Variants in FMN2 observed in about 807,000 individuals in gnomAD.
FMN2 encodes the protein formin-2.
A neutral mutation model predicts 142.3 loss-of-function variants in FMN2; 51 were observed. The observed-to-expected ratio is 0.36, with a 90% CI of 0.29 to 0.45. FMN2 has a LOEUF of 0.45. FMN2 is among the 20% of genes least tolerant of loss of function. The pLI, the probability that FMN2 is intolerant of heterozygous loss-of-function variation, is 1.00. For synonymous variants in FMN2, 882 were observed against 869.8 expected (o/e 1.01, Z -0.25); for missense variants, 1,936 against 2,122.8 (o/e 0.91, Z 1.73).
At chr1:240,125,377 A>C (rs1662452915) in intron 2 of FMN2, among the ~76,000 whole-genome samples, 1 of 152,222 alleles carries the variant, frequency 6.6e-6, no homozygotes, top group African/African-American at 2.4e-5. Flanking sequence ...GCTGCTAGGT[A>C]GATCTCTTTC....
chr1:240,459,036 T>A (rs1255870431), intron 16 of FMN2: 1 of 152,190 alleles, frequency 6.6e-6, no homozygotes, highest in Non-Finnish European at 1.5e-5. Context: ...TATCAGAGAC[T>A]TAAAAATATT....
intron 13 of FMN2, among the ~76,000 whole-genome samples, chr1:240,349,106 T>A (rs1387636931): frequency 6.6e-6 from 1 of 152,162 alleles, no homozygotes; most frequent in Non-Finnish European, 1.5e-5. Flanking sequence ...TGGGCTGATT[T>A]TATAGTTTTT....
At chr1:240,402,188 T>G (rs1360959339) in intron 15 of FMN2, among the ~76,000 whole-genome samples, 1 of 152,240 alleles carries the variant, frequency 6.6e-6, no homozygotes, top group Non-Finnish European at 1.5e-5. Context: ...GCTGAACTTT[T>G]ATCAAGAAAA....
At chr1:240,278,499 A>C (rs1350674805) in intron 7 of FMN2, among the ~76,000 whole-genome samples, 1 of 152,194 alleles carries the variant, frequency 6.6e-6, no homozygotes, top group Non-Finnish European at 1.5e-5. Context: ...CCTTTGTGGT[A>C]GCCTGGCAGG....
At chr1:240,267,869 T>G (rs1405161715) in intron 7 of FMN2, among the ~76,000 whole-genome samples, 2 of 152,106 alleles carry the variant, frequency 1.3e-5, no homozygotes, top group Non-Finnish European at 2.9e-5. Context: ...CACACACTTC[T>G]CAAAAGAAGA....
chr1:240,141,030 AG>A (rs776145002), intron 2 of FMN2, among the ~76,000 whole-genome samples: 2 of 152,210 alleles, frequency 1.3e-5, no homozygotes, highest in African/African-American at 2.4e-5. Context: ...GACTTCTATT[AG>A]AAAAGGAAAA....
chr1:240,371,739 T>C (rs979230227), intron 14 of FMN2, among the ~76,000 whole-genome samples: 16 of 152,228 alleles, frequency 1.1e-4, no homozygotes, highest in African/African-American at 3.9e-4. Context: ...TCTAACTACA[T>C]GTTACTTGGG....
chr1:240,395,359 C>T (rs985364698), intron 15 of FMN2, among the ~76,000 whole-genome samples: 17 of 152,134 alleles, frequency 1.1e-4, no homozygotes, highest in Non-Finnish European at 2.1e-4. Flanking sequence ...TTTTGTAGCT[C>T]ATGGATCAAG....
chr1:240,393,070 G>A (rs1046427711), intron 15 of FMN2, among the ~76,000 whole-genome samples: 4 of 151,942 alleles, frequency 2.6e-5, no homozygotes, highest in Non-Finnish European at 4.4e-5. Flanking sequence ...TCAGGGTTCT[G>A]TAGAAAAAAA....
intron 13 of FMN2, among the ~76,000 whole-genome samples, chr1:240,349,681 G>A (rs1672026324): frequency 6.6e-6 from 1 of 152,104 alleles, no homozygotes; most frequent in African/African-American, 2.4e-5. Context: ...CTTTCCTCTG[G>A]CTGGGTTATT....
At chr1:240,209,447 G>C (rs1666594432) in intron 5 of FMN2, among the ~76,000 whole-genome samples, 1 of 150,618 alleles carries the variant, frequency 6.6e-6, no homozygotes, top group Non-Finnish European at 1.5e-5. Flanking sequence ...TAGAGACGGG[G>C]TTTCACCGTG....
chr1:240,406,567 T>A (rs1674208342), intron 15 of FMN2, among the ~76,000 whole-genome samples: 1 of 152,250 alleles, frequency 6.6e-6, no homozygotes, highest in Non-Finnish European at 1.5e-5. Context: ...TTTTCTTGTT[T>A]CTAAAATGAG....
chr1:240,123,734 C>T (rs568805179), intron 2 of FMN2, among the ~76,000 whole-genome samples: 19 of 152,202 alleles, frequency 1.2e-4, no homozygotes, highest in African/African-American at 4.3e-4. Context: ...AATACATTGA[C>T]GTGGTTGTGC....
rs758654614 is a variant in FMN2, at chr1:240,193,623, G to A, written c.1986+5361G>A. ...GCCAGGGAGAAGCGCAATAGTCCAG[G>A]TGACCTGAGAGGCAGCTCAGCTGGC... On this transcript the variant is annotated intron_variant, in intron 4 of 17. Coordinates refer to ENST00000319653, the MANE Select transcript of FMN2 (RefSeq NM_020066.5). 4.9e-4 allele frequency among the ~76,000 whole-genome samples: 75 copies of A among 152,352 alleles called. 1 individual carries two copies. Among genetic ancestry groups the A allele is most frequent in the Non-Finnish European group, 8.7e-4 (59 of 68,028 alleles).
chr1:240,270,956 A>G (rs1178411116), intron 7 of FMN2, among the ~76,000 whole-genome samples: 1 of 151,932 alleles, frequency 6.6e-6, no homozygotes, highest in East Asian at 1.9e-4. Flanking sequence ...ATAATAATGT[A>G]TTGTATATTT....
chr1:240,356,487 G>A (rs1005924999), intron 14 of FMN2, among the ~76,000 whole-genome samples: 2 of 152,054 alleles, frequency 1.3e-5, no homozygotes, highest in Non-Finnish European at 2.9e-5. Flanking sequence ...TAGGAGATAG[G>A]CAGGGATGGA....
chr1:240,371,020 C>T (rs543202068), intron 14 of FMN2, among the ~76,000 whole-genome samples: 28 of 152,280 alleles, frequency 1.8e-4, no homozygotes, highest in African/African-American at 6.5e-4. Flanking sequence ...CTCACTGCAA[C>T]CTCCGCCTCC....
intron 2 of FMN2, among the ~76,000 whole-genome samples, chr1:240,163,692 A>G (rs1364028529): frequency 2.0e-5 from 3 of 152,008 alleles, no homozygotes; most frequent in Admixed American, 1.3e-4. Context: ...TACATTTAAT[A>G]CAATTGTTTA....
chr1:240,125,057 A>G (rs753449084), intron 2 of FMN2, among the ~76,000 whole-genome samples: 1 of 152,230 alleles, frequency 6.6e-6, no homozygotes, highest in Non-Finnish European at 1.5e-5. Flanking sequence ...GAATAAAATA[A>G]TGATGAGCTT....
Sources: allele counts gnomAD v4.1 joint callset (sites outside exome capture counted in the v4.1 genomes callset), GRCh38; gene constraint gnomAD v4.1.1; transcripts MANE v1.5; gene names NCBI Gene and HGNC (gene_info 2026-07-23, HGNC 2026-07-21).